The following SCHIP1 variants were observed in gnomAD, a reference collection of about 807,000 sequenced individuals.
SCHIP1 encodes the protein schwannomin-interacting protein 1.
In SCHIP1, 8 loss-of-function variants were observed where a neutral mutation model predicts 29.7. That is an observed-to-expected ratio of 0.27 (90% CI 0.16 to 0.49). The LOEUF (loss-of-function observed/expected upper bound fraction) is 0.49. SCHIP1 is among the 20% of genes least tolerant of loss of function. SCHIP1 has a pLI of 0.99. For synonymous variants in SCHIP1, 76 were observed against 94.9 expected, an observed-to-expected ratio of 0.80 and a Z score of 1.16; for missense variants, 193 against 294.6, an observed-to-expected ratio of 0.66 and a Z score of 2.52.
intron 2 of SCHIP1, among the ~76,000 whole-genome samples, chr3:159,872,345 C>T (rs769149532): frequency 6.6e-6 from 1 of 152,058 alleles, no homozygotes; most frequent in Non-Finnish European, 1.5e-5. Context: ...AGGAGAGAGA[C>T]TGGAATACCT....
At chr3:159,734,435 C>T in the SCHIP1 span, among the ~76,000 whole-genome samples, 1 of 151,928 alleles carries the variant, frequency 6.6e-6, no homozygotes, top group Non-Finnish European at 1.5e-5. Context: ...CCACAGTGCC[C>T]AGCCCATACT....
the SCHIP1 span, among the ~76,000 whole-genome samples, chr3:159,277,559 T>A: frequency 6.7e-6 from 1 of 150,204 alleles, no homozygotes; most frequent in Non-Finnish European, 1.5e-5. Context: ...GGAATTTCTA[T>A]CAGAATATGT....
chr3:159,430,745 G>C, the SCHIP1 span, among the ~76,000 whole-genome samples: 2 of 152,174 alleles, frequency 1.3e-5, no homozygotes, highest in African/African-American at 4.8e-5. Context: ...TAGGGGCAGG[G>C]ATAAGTCAAG....
chr3:159,591,557 G>T, the SCHIP1 span, among the ~76,000 whole-genome samples: 1 of 152,134 alleles, frequency 6.6e-6, no homozygotes, highest in Non-Finnish European at 1.5e-5. Context: ...AGAAAATGTG[G>T]CACATATATG....
At chr3:159,749,894 ATTAG>A in the SCHIP1 span, among the ~76,000 whole-genome samples, 1 of 152,178 alleles carries the variant, frequency 6.6e-6, no homozygotes, top group Admixed American at 6.5e-5. Flanking sequence ...TTTATAGGCT[ATTAG>A]TTATTAGTGT....
At chr3:159,473,258 C>T in the SCHIP1 span, among the ~76,000 whole-genome samples, 1 of 151,718 alleles carries the variant, frequency 6.6e-6, no homozygotes, top group Non-Finnish European at 1.5e-5. Flanking sequence ...CTTTAGGCTG[C>T]AATTGGGGAA....
chr3:159,294,329 C>G, the SCHIP1 span, among the ~76,000 whole-genome samples: 1 of 152,174 alleles, frequency 6.6e-6, no homozygotes, highest in African/African-American at 2.4e-5. Flanking sequence ...TAGTAAATGA[C>G]AAATACTAAT....
chr3:159,582,511 T>C, the SCHIP1 span, among the ~76,000 whole-genome samples: 1 of 152,148 alleles, frequency 6.6e-6, no homozygotes, highest in African/African-American at 2.4e-5. Flanking sequence ...TAAAGTATTT[T>C]TTTTAATAAT....
chr3:159,838,708 G>A (rs1385378994), upstream of SCHIP1, among the ~76,000 whole-genome samples: 1 of 151,060 alleles, frequency 6.6e-6, no homozygotes, highest in Non-Finnish European at 1.5e-5. Flanking sequence ...GGCTAACACG[G>A]TGAAACCCCG....
the SCHIP1 span, among the ~76,000 whole-genome samples, chr3:159,550,965 CAAT>C: frequency 5.1e-4 from 78 of 152,176 alleles, no homozygotes; most frequent in African/African-American, 1.7e-3. Context: ...AATTTATTCT[CAAT>C]GAGATCTTTT....
chr3:159,468,761 AT>A, the SCHIP1 span, among the ~76,000 whole-genome samples: 23 of 121,130 alleles, frequency 1.9e-4, no homozygotes, highest in African/African-American at 5.4e-4. Flanking sequence ...AATATAATAT[AT>A]ATATATATAT....
At chr3:159,542,379 A>G in the SCHIP1 span, among the ~76,000 whole-genome samples, 1 of 152,008 alleles carries the variant, frequency 6.6e-6, no homozygotes, top group African/African-American at 2.4e-5. Context: ...ATCTCCCCCA[A>G]TCCCCAGTAA....
chr3:159,891,138 G>A (rs1049876855), intron 5 of SCHIP1, among the ~76,000 whole-genome samples: 7 of 152,132 alleles, frequency 4.6e-5, no homozygotes, highest in Non-Finnish European at 8.8e-5. Flanking sequence ...TTGGGAGGCC[G>A]AGGCGGGCAG....
At chr3:159,531,069 ACCTCAAGAGAC>A in the SCHIP1 span, among the ~76,000 whole-genome samples, 1 of 152,164 alleles carries the variant, frequency 6.6e-6, no homozygotes, top group Non-Finnish European at 1.5e-5. Context: ...ACTTGCATTC[ACCTCAAGAGAC>A]CCTAAAAGAT....
At chr3:159,774,464 ACTTGTCT>A in the SCHIP1 span, among the ~76,000 whole-genome samples, 1 of 152,294 alleles carries the variant, frequency 6.6e-6, no homozygotes, top group South Asian at 2.1e-4. Flanking sequence ...GATCCTTATC[ACTTGTCT>A]TTATCTGTTC....
the SCHIP1 span, among the ~76,000 whole-genome samples, chr3:159,744,647 TG>T: frequency 6.6e-6 from 1 of 152,220 alleles, no homozygotes; most frequent in East Asian, 1.9e-4. Context: ...TTGGTGTTCA[TG>T]GTAACCATTG....
chr3:159,354,152 A>G, the SCHIP1 span, among the ~76,000 whole-genome samples: 1 of 152,212 alleles, frequency 6.6e-6, no homozygotes, highest in Admixed American at 6.5e-5. Context: ...TTATAAGACT[A>G]AAAACAAATC....
the SCHIP1 span, among the ~76,000 whole-genome samples, chr3:159,714,739 C>T: frequency 1.2e-3 from 187 of 152,352 alleles, no homozygotes; most frequent in African/African-American, 4.4e-3. Context: ...GTAAACAAAG[C>T]AGCTGGGAAG....
the SCHIP1 span, among the ~76,000 whole-genome samples, chr3:159,792,051 T>TG: frequency 1.3e-5 from 2 of 152,186 alleles, no homozygotes; most frequent in Admixed American, 1.3e-4. Context: ...GTGTCTATCT[T>TG]GGGCCTAGAA....
Sources: gnomAD v4.1 joint callset for allele counts (sites outside exome capture counted in the v4.1 genomes callset) on GRCh38, gnomAD v4.1.1 for gene constraint, MANE v1.5 for transcripts, NCBI Gene and HGNC (gene_info 2026-07-23, HGNC 2026-07-21) for gene names.